Variants in TEX14 observed in about 807,000 individuals in gnomAD.
TEX14 encodes the protein inactive serine/threonine-protein kinase TEX14.
In TEX14, 168 loss-of-function variants were observed where a neutral mutation model predicts 178.6. The ratio of observed to expected loss-of-function variants is 0.94; its 90% CI spans 0.83 to 1.07. TEX14 has a LOEUF of 1.07. Ranked by LOEUF, TEX14 falls within the 50% of genes least tolerant of loss-of-function variation. TEX14 has a pLI of 0.00. For synonymous variants in TEX14, 626 were observed against 634.1 expected, an observed-to-expected ratio of 0.99 and a Z score of 0.19; for missense variants, 1,730 against 1,753.6, an observed-to-expected ratio of 0.99 and a Z score of 0.24.
intron 1 of TEX14, chr17:58,661,390 CA>C: frequency 1.1e-6 from 1 of 893,322 alleles, no homozygotes; most frequent in Non-Finnish European, 1.9e-6. Context: ...TAATCTCCTC[CA>C]AATCTTCATT....
At chr17:58,618,709 C>A (rs554140260) in intron 5 of TEX14, among the ~76,000 whole-genome samples, 2 of 152,358 alleles carry the variant, frequency 1.3e-5, no homozygotes, top group African/African-American at 4.8e-5. Flanking sequence ...TGAGGCCCCA[C>A]ATGCCACTAT....
In TEX14 at chr17:58,615,222, T is replaced by C. The variant is rs1170600256; in HGVS notation, c.881+10A>G. 5 of 1,580,888 alleles carry C rather than the reference T, an allele frequency of 3.2e-6. No individual in the cohort carries two copies. Among genetic ancestry groups the C allele is most frequent in the African/African-American group, 1.3e-5 (1 of 74,336 alleles). The stretch of plus-strand genomic sequence containing the variant: ...CTGGACCTATAAGGGGCCTTGGGCT[T>C]CCTTCTCACCTGCTGTGTTCCTGCT... On this transcript the variant is annotated intron_variant, in intron 8 of 31. Coordinates refer to ENST00000349033, the MANE Select transcript of TEX14 (RefSeq NM_031272.5).
At chr17:58,624,611 G>C (rs2046092205) in intron 3 of TEX14, among the ~76,000 whole-genome samples, 1 of 151,804 alleles carries the variant, frequency 6.6e-6, no homozygotes, top group Non-Finnish European at 1.5e-5. Flanking sequence ...CAAAGTGCTG[G>C]GATTACAAGA....
At chr17:58,564,729 C>A in intron 28 of TEX14, 140 bp downstream of exon 28, 2 of 456,386 alleles carry the variant, frequency 4.4e-6, no homozygotes, top group South Asian at 1.0e-4. Context: ...AAAAAGTAAC[C>A]CTTTAGGAAT....
chr17:58,573,402 C>G (rs1486114536), intron 22 of TEX14, 94 bp from the exon 23 acceptor site: 1 of 1,301,214 alleles, frequency 7.7e-7, no homozygotes, highest in Admixed American at 2.1e-5. Context: ...ATAATCTTAA[C>G]AAAATTTGTA....
chr17:58,633,577 C>A (rs1015518733), intron 2 of TEX14, among the ~76,000 whole-genome samples: 1 of 152,204 alleles, frequency 6.6e-6, no homozygotes, highest in African/African-American at 2.4e-5. Context: ...CGGCTGTAAT[C>A]CCAGCACTTT....
intron 2 of TEX14, among the ~76,000 whole-genome samples, chr17:58,643,503 G>C (rs991606200): frequency 6.6e-6 from 1 of 152,002 alleles, no homozygotes; most frequent in Non-Finnish European, 1.5e-5. Context: ...GCAGTGGCAT[G>C]TGAGTCTGTC....
At chr17:58,691,021 T>C (rs979837740) in intron 1 of TEX14, among the ~76,000 whole-genome samples, 1 of 152,038 alleles carries the variant, frequency 6.6e-6, no homozygotes, top group Admixed American at 6.5e-5. Flanking sequence ...GCCCGGCTAA[T>C]TTTTTGTACT....
chr17:58,626,752 T>C (rs1598398132), intron 3 of TEX14, among the ~76,000 whole-genome samples: 1 of 151,832 alleles, frequency 6.6e-6, no homozygotes, highest in East Asian at 1.9e-4. Context: ...GCGCCTGTAG[T>C]CCCAGGTACT....
intron 1 of TEX14, among the ~76,000 whole-genome samples, chr17:58,687,544 C>T (rs565311090): frequency 2.6e-5 from 4 of 152,004 alleles, no homozygotes; most frequent in Non-Finnish European, 5.9e-5. Context: ...CCATGTTGGC[C>T]AGGCTGGTCT....
At chr17:58,598,574 G>T (rs995492481) in intron 14 of TEX14, among the ~76,000 whole-genome samples, 1 of 152,146 alleles carries the variant, frequency 6.6e-6, no homozygotes, top group Admixed American at 6.5e-5. Flanking sequence ...GGTCTGAACT[G>T]GGAGACAGAG....
intron 1 of TEX14, among the ~76,000 whole-genome samples, chr17:58,672,492 G>A (rs1243063243): frequency 2.6e-5 from 4 of 152,224 alleles, no homozygotes; most frequent in Non-Finnish European, 4.4e-5. Context: ...GCAGTGCAGA[G>A]GTGCAATCTC....
At chr17:58,666,281 G>A (rs550011490) in intron 1 of TEX14, among the ~76,000 whole-genome samples, 5 of 151,930 alleles carry the variant, frequency 3.3e-5, no homozygotes, top group African/African-American at 1.2e-4. Flanking sequence ...TCGGGAGGTG[G>A]AGGCTGCGGT....
At chr17:58,559,675 T>C (rs1395680059) in intron 29 of TEX14, 113 bp from the exon 30 acceptor site, 1 of 658,664 alleles carries the variant, frequency 1.5e-6, no homozygotes, top group African/African-American at 1.8e-5. Context: ...AACCATATAA[T>C]AGCTAGCACT....
chr17:58,611,171 T>G lies in TEX14; in HGVS notation c.1174A>C (p.Met392Leu), dbSNP rs781307975. 2.3e-5 allele frequency: 37 copies of G among 1,613,378 alleles called. No homozygotes were observed. Among genetic ancestry groups the G allele is most frequent in the Non-Finnish European group, 2.9e-5 (34 of 1,179,468 alleles). Reference sequence around the variant, plus strand: ...CCATGTTATGCCCACCTTTCCAACATGTACTCCAGGTTGGTCAGCCTCGCT... The same window carrying G: ...CCATGTTATGCCCACCTTTCCAACAGGTACTCCAGGTTGGTCAGCCTCGCT... ...GEARLTNLEY[M>L]LESEDRGVQR... is the part of the protein sequence containing the mutation. Residue 392 changes from methionine to leucine, a missense_variant, in exon 10 of 32, where the codon ATG becomes CTG. This residue lies in a region of TEX14 where 789 missense variants were observed against 681.2 expected (regional missense o/e 1.16). Transcript: ENST00000349033.
chr17:58,641,931 A>T (rs965158322), intron 2 of TEX14, among the ~76,000 whole-genome samples: 17 of 152,214 alleles, frequency 1.1e-4, no homozygotes, highest in Non-Finnish European at 2.1e-4. Context: ...AAGGAACCAC[A>T]GTTGGAACCT....
At chr17:58,557,658 A>C in intron 31 of TEX14, 141 bp downstream of exon 31, 1 of 627,522 alleles carries the variant, frequency 1.6e-6, no homozygotes, top group Non-Finnish European at 2.7e-6. Context: ...ATAAACACTA[A>C]CATTTTAAAA....
At chr17:58,562,467 A>C (rs1310718141) in intron 28 of TEX14, among the ~76,000 whole-genome samples, 1 of 152,128 alleles carries the variant, frequency 6.6e-6, no homozygotes, top group Non-Finnish European at 1.5e-5. Flanking sequence ...AAGAGACAAC[A>C]ATAATAATAG....
chr17:58,659,202 T>C (rs541096667), intron 1 of TEX14: 3 of 262,522 alleles, frequency 1.1e-5, no homozygotes, highest in South Asian at 1.4e-4. Flanking sequence ...CAGCCGAGTT[T>C]TCTCATTCGG....
Sources: allele counts gnomAD v4.1 joint callset (sites outside exome capture counted in the v4.1 genomes callset), GRCh38; gene constraint gnomAD v4.1.1; regional missense constraint gnomAD v4.1.1; transcripts MANE v1.5; gene names NCBI Gene and HGNC (gene_info 2026-07-23, HGNC 2026-07-21).